CCSER1: variants seen among roughly 807,000 people sequenced by gnomAD.
The protein encoded by CCSER1 is coiled-coil serine rich protein 1, also known as serine-rich coiled-coil domain-containing protein 1.
A neutral mutation model predicts 82.0 loss-of-function variants in CCSER1; 41 were observed. The observed-to-expected ratio is 0.50, with a 90% CI of 0.39 to 0.65. CCSER1 has a LOEUF of 0.65. CCSER1 is among the 30% of genes least tolerant of loss of function. The pLI, the probability that CCSER1 is intolerant of heterozygous loss-of-function variation, is 0.00. For missense variants in CCSER1, 1,119 were observed against 1,064.2 expected (o/e 1.05, Z -0.72); for synonymous variants, 414 against 383.9 (o/e 1.08, Z -0.92).
rs564997158 is a variant in CCSER1 at position 91,258,734 on chromosome 4, A to T, written c.2217+172740A>T. On this transcript the variant is annotated intron_variant, in intron 10 of 10. Transcript: ENST00000509176. ...TCAAGTCCTATGCTAATATGCAAAAATAAATCCATTATGCTTATTTTTATA... is the reference window on the plus strand; with the variant it reads ...TCAAGTCCTATGCTAATATGCAAAATTAAATCCATTATGCTTATTTTTATA... Among the ~76,000 whole-genome samples the T allele has an allele frequency of 9.8e-5, 15 of 152,292 alleles. No homozygotes were observed. In the East Asian group the frequency reaches 1.7e-3, roughly 18 times the overall value.
At chr4:91,056,540 T>C (rs549951446) in intron 9 of CCSER1, among the ~76,000 whole-genome samples, 1 of 152,126 alleles carries the variant, frequency 6.6e-6, no homozygotes, top group Non-Finnish European at 1.5e-5. Flanking sequence ...TCATGCTCTG[T>C]CTGTATGACC....
At chr4:90,580,988 C>T (rs987302174) in intron 5 of CCSER1, among the ~76,000 whole-genome samples, 2 of 152,106 alleles carry the variant, frequency 1.3e-5, no homozygotes, top group African/African-American at 4.8e-5. Flanking sequence ...ACTTATACTT[C>T]CTCATTGAAA....
At chr4:90,922,396 C>A (rs543114595) in intron 8 of CCSER1, among the ~76,000 whole-genome samples, 1 of 151,902 alleles carries the variant, frequency 6.6e-6, no homozygotes, top group Non-Finnish European at 1.5e-5. Flanking sequence ...TTCTTGATAA[C>A]CATTGTCAAT....
At chr4:91,149,625 G>A (rs947508799) in intron 10 of CCSER1, among the ~76,000 whole-genome samples, 1 of 152,164 alleles carries the variant, frequency 6.6e-6, no homozygotes, top group Non-Finnish European at 1.5e-5. Context: ...TGACATTGAA[G>A]TCTTTAATTC....
chr4:91,187,716 C>A (rs1734677663), intron 10 of CCSER1, among the ~76,000 whole-genome samples: 1 of 152,040 alleles, frequency 6.6e-6, no homozygotes, highest in African/African-American at 2.4e-5. Context: ...CCATGACCGG[C>A]TAATTTTTGT....
intron 9 of CCSER1, among the ~76,000 whole-genome samples, chr4:91,082,722 CA>C (rs1205078047): frequency 6.6e-6 from 1 of 151,844 alleles, no homozygotes; most frequent in African/African-American, 2.4e-5. Context: ...AAGAAAAAAT[CA>C]AACAACCCCA....
chr4:90,494,860 AT>A (rs34116226), intron 5 of CCSER1, among the ~76,000 whole-genome samples: 17 of 150,442 alleles, frequency 1.1e-4, no homozygotes, highest in East Asian at 3.9e-4. Flanking sequence ...CCTGGGGTAG[AT>A]TTTTTTTTTC....
intron 1 of CCSER1, among the ~76,000 whole-genome samples, chr4:90,236,634 A>G (rs993953883): frequency 6.6e-6 from 1 of 152,088 alleles, no homozygotes; most frequent in African/African-American, 2.4e-5. Flanking sequence ...ATGGTAAGTA[A>G]TTTGCATTTA....
At chr4:90,328,703 C>T (rs1043600280) in intron 3 of CCSER1, among the ~76,000 whole-genome samples, 6 of 151,936 alleles carry the variant, frequency 3.9e-5, no homozygotes, top group Admixed American at 2.0e-4. Context: ...CCACTTCTGC[C>T]CTGCAGTGTG....
intron 9 of CCSER1, among the ~76,000 whole-genome samples, chr4:90,938,222 CT>C (rs985151484): frequency 2.0e-5 from 3 of 151,794 alleles, no homozygotes; most frequent in Admixed American, 6.6e-5. Context: ...TCTGTTGAAA[CT>C]TTGTGTTTAT....
At chr4:90,822,971 A>T (rs1759961218) in intron 8 of CCSER1, among the ~76,000 whole-genome samples, 1 of 149,418 alleles carries the variant, frequency 6.7e-6, no homozygotes, top group East Asian at 1.9e-4. Flanking sequence ...ATGCTAGTGA[A>T]ATTTAAGTTA....
At chr4:90,872,052 T>G (rs1766584666) in intron 8 of CCSER1, among the ~76,000 whole-genome samples, 1 of 151,818 alleles carries the variant, frequency 6.6e-6, no homozygotes, top group African/African-American at 2.4e-5. Context: ...AGTGTATGTG[T>G]GTGTTTATGG....
intron 5 of CCSER1, among the ~76,000 whole-genome samples, chr4:90,499,748 T>A (rs1769573714): frequency 1.3e-5 from 2 of 152,134 alleles, no homozygotes; most frequent in Non-Finnish European, 2.9e-5. Flanking sequence ...AGGAAAAGGA[T>A]AAATGAAATT....
intron 1 of CCSER1, among the ~76,000 whole-genome samples, chr4:90,173,585 A>G (rs924379068): frequency 2.6e-5 from 4 of 151,992 alleles, no homozygotes; most frequent in Non-Finnish European, 5.9e-5. Context: ...GTACTAGGAC[A>G]GAGCATTACT....
chr4:90,808,626 C>T (rs956286942), intron 7 of CCSER1, among the ~76,000 whole-genome samples: 1 of 151,942 alleles, frequency 6.6e-6, no homozygotes, highest in African/African-American at 2.4e-5. Context: ...GGCCAACAAA[C>T]CATATGAAAA....
chr4:90,817,847 A>G (rs1759219451), intron 8 of CCSER1, among the ~76,000 whole-genome samples: 1 of 152,134 alleles, frequency 6.6e-6, no homozygotes, highest in Non-Finnish European at 1.5e-5. Context: ...TGGTCCTCCT[A>G]TTTCTGGTCC....
chr4:91,348,213 T>C (rs1453094094), intron 10 of CCSER1, among the ~76,000 whole-genome samples: 1 of 152,164 alleles, frequency 6.6e-6, no homozygotes, highest in African/African-American at 2.4e-5. Flanking sequence ...TTTTAGATGC[T>C]TTTGCTGCAT....
At chr4:91,054,000 A>G (rs6850834) in intron 9 of CCSER1, among the ~76,000 whole-genome samples, 31,556 of 152,170 alleles carry the variant, frequency 0.21, 3,668 homozygotes, top group African/African-American at 0.31. Context: ...AAACATCTGT[A>G]TACATTCATC....
At chr4:90,366,697 AG>A (rs1746347951) in intron 3 of CCSER1, among the ~76,000 whole-genome samples, 1 of 151,774 alleles carries the variant, frequency 6.6e-6, no homozygotes, top group Non-Finnish European at 1.5e-5. Context: ...ATTTGAGGTA[AG>A]TGTTTAATTA....
Sources: gnomAD v4.1 joint callset for allele counts (sites outside exome capture counted in the v4.1 genomes callset) on GRCh38, gnomAD v4.1.1 for gene constraint, MANE v1.5 for transcripts, NCBI Gene and HGNC (gene_info 2026-07-23, HGNC 2026-07-21) for gene names.